Variants in EYA4 observed in about 807,000 individuals in gnomAD.
EYA4 encodes the protein protein phosphatase EYA4.
EYA4 carries 31 observed loss-of-function variants against 87.9 expected under a neutral mutation model. The ratio of observed to expected loss-of-function variants is 0.35; its 90% CI spans 0.27 to 0.48. EYA4 has a LOEUF of 0.48. EYA4 is among the 20% of genes least tolerant of loss of function. EYA4 has a pLI of 0.99. For synonymous variants in EYA4, 263 were observed against 270.6 expected (o/e 0.97, Z 0.28); for missense variants, 678 against 761.4 (o/e 0.89, Z 1.29).
At chr6:133,363,612 C>G (rs1310189184) in intron 2 of EYA4, among the ~76,000 whole-genome samples, 2 of 151,030 alleles carry the variant, frequency 1.3e-5, no homozygotes, top group Non-Finnish European at 3.0e-5. Context: ...GCAGCTGGGA[C>G]TACAGGCGCA....
At chr6:133,296,648 A>G (rs576302283) in intron 2 of EYA4, among the ~76,000 whole-genome samples, 1 of 152,182 alleles carries the variant, frequency 6.6e-6, no homozygotes, top group African/African-American at 2.4e-5. Flanking sequence ...GCTTTTCGGG[A>G]GGGAAGATGG....
chr6:133,524,507 A>G (rs1583565232), intron 18 of EYA4, among the ~76,000 whole-genome samples: 1 of 152,180 alleles, frequency 6.6e-6, no homozygotes, highest in East Asian at 1.9e-4. Flanking sequence ...CAGTGTTGTC[A>G]GTACTGTGGC....
chr6:133,303,254 A>C (rs1452688577), intron 2 of EYA4, among the ~76,000 whole-genome samples: 1 of 152,154 alleles, frequency 6.6e-6, no homozygotes, highest in African/African-American at 2.4e-5. Flanking sequence ...CCTTAGTGAC[A>C]TACAGTAATT....
intron 2 of EYA4, among the ~76,000 whole-genome samples, chr6:133,381,642 T>C (rs1185826920): frequency 6.6e-6 from 1 of 152,098 alleles, no homozygotes; most frequent in Non-Finnish European, 1.5e-5. Flanking sequence ...ACCAAGAGAT[T>C]TTTGAAGTTT....
At chr6:133,375,129 T>C (rs1785576985) in intron 2 of EYA4, among the ~76,000 whole-genome samples, 1 of 152,006 alleles carries the variant, frequency 6.6e-6, no homozygotes, top group Admixed American at 6.6e-5. Flanking sequence ...TTGAGAAGTG[T>C]TGACACATTT....
chr6:133,469,626 T>G (rs73544958), intron 11 of EYA4, among the ~76,000 whole-genome samples: 1 of 151,784 alleles, frequency 6.6e-6, no homozygotes, highest in Non-Finnish European at 1.5e-5. Flanking sequence ...CAAATGGTGC[T>G]AGAACAATTG....
At chr6:133,258,599 A>C (rs1001476196) in intron 1 of EYA4, among the ~76,000 whole-genome samples, 1 of 151,998 alleles carries the variant, frequency 6.6e-6, no homozygotes, top group Non-Finnish European at 1.5e-5. Flanking sequence ...CTCCCCTTCT[A>C]TAGAGAGTTT....
intron 2 of EYA4, among the ~76,000 whole-genome samples, chr6:133,284,814 G>A (rs549997816): frequency 9.9e-5 from 15 of 152,180 alleles, no homozygotes; most frequent in African/African-American, 2.9e-4. Context: ...CAAAATGGAC[G>A]CATATTACTG....
At chr6:133,338,244 GA>G (rs376644013) in intron 2 of EYA4, among the ~76,000 whole-genome samples, 8 of 151,840 alleles carry the variant, frequency 5.3e-5, no homozygotes, top group African/African-American at 1.7e-4. Context: ...TGAGTAAATA[GA>G]AAAAAAGGTC....
At chr6:133,517,678 TCTGA>T (rs2128796735) in intron 17 of EYA4, among the ~76,000 whole-genome samples, 1 of 152,306 alleles carries the variant, frequency 6.6e-6, no homozygotes. Flanking sequence ...GCTTCCTGTG[TCTGA>T]CTGGGGAAGC....
At chr6:133,524,832 C>T (rs1265397941) in intron 18 of EYA4, among the ~76,000 whole-genome samples, 1 of 152,104 alleles carries the variant, frequency 6.6e-6, no homozygotes, top group Non-Finnish European at 1.5e-5. Flanking sequence ...GAGTGTGAAA[C>T]ACATTTGTTT....
intron 13 of EYA4, among the ~76,000 whole-genome samples, chr6:133,499,621 A>ATCT (rs1797935929): frequency 6.6e-6 from 1 of 152,052 alleles, no homozygotes; most frequent in Admixed American, 6.5e-5. Context: ...TGTGAACAAA[A>ATCT]TCTTTTAATT....
chr6:133,289,418 A>G (rs1778313832), intron 2 of EYA4, among the ~76,000 whole-genome samples: 1 of 152,186 alleles, frequency 6.6e-6, no homozygotes, highest in Non-Finnish European at 1.5e-5. Flanking sequence ...ATCTCCTAGA[A>G]CTCAATACTT....
intron 1 of EYA4, among the ~76,000 whole-genome samples, chr6:133,264,879 A>G (rs1171517450): frequency 2.0e-5 from 3 of 152,064 alleles, no homozygotes; most frequent in Non-Finnish European, 4.4e-5. Flanking sequence ...GTCACCTAGA[A>G]GAAGTGCAGT....
chr6:133,385,399 G>C (rs1301403748), intron 3 of EYA4, among the ~76,000 whole-genome samples: 11,233 of 68,144 alleles, frequency 0.16, 709 homozygotes, highest in Middle Eastern at 0.28. Flanking sequence ...CTCTGTGTGT[G>C]TGTGTGTGTG....
chr6:133,447,920 G>A (rs141653285), intron 4 of EYA4, among the ~76,000 whole-genome samples, 191 bp from the exon 5 acceptor site: 45 of 152,268 alleles, frequency 3.0e-4, no homozygotes, highest in Non-Finnish European at 5.9e-4. Context: ...ACAGACTGGT[G>A]AAGTTCACTA....
intron 2 of EYA4, among the ~76,000 whole-genome samples, chr6:133,303,472 A>C (rs1779568196): frequency 6.6e-6 from 1 of 152,118 alleles, no homozygotes; most frequent in South Asian, 2.1e-4. Flanking sequence ...AGTGGTATGA[A>C]CCTGGAGAGA....
At chr6:133,300,218 A>T (rs1056340825) in intron 2 of EYA4, among the ~76,000 whole-genome samples, 1 of 151,934 alleles carries the variant, frequency 6.6e-6, no homozygotes. Context: ...GCTGAGGAGG[A>T]GGAGAAAGAG....
intron 2 of EYA4, among the ~76,000 whole-genome samples, chr6:133,284,850 GA>G (rs1363372132): frequency 6.6e-6 from 1 of 152,068 alleles, no homozygotes; most frequent in Non-Finnish European, 1.5e-5. Context: ...TATTCTTGTG[GA>G]GGGGGAGACA....
Sources: gnomAD v4.1 joint callset for allele counts (sites outside exome capture counted in the v4.1 genomes callset) on GRCh38, gnomAD v4.1.1 for gene constraint, MANE v1.5 for transcripts, NCBI Gene and HGNC (gene_info 2026-07-23, HGNC 2026-07-21) for gene names.